Variants in PKP4 observed in about 807,000 individuals in gnomAD.
The protein encoded by PKP4 is plakophilin-4.
In PKP4, 90 loss-of-function variants were observed where a neutral mutation model predicts 145.1. That is an observed-to-expected ratio of 0.62 (90% CI 0.52 to 0.74). PKP4 has a LOEUF of 0.74. Among genes scored for constraint, PKP4 ranks in the 30% least tolerant of loss-of-function variants. The pLI, the probability that PKP4 is intolerant of heterozygous loss-of-function variation, is 0.00. For synonymous variants in PKP4, 563 were observed against 577.2 expected, an observed-to-expected ratio of 0.98 and a Z score of 0.35; for missense variants, 1,340 against 1,482.7, an observed-to-expected ratio of 0.90 and a Z score of 1.58.
rs1024911353 is a variant in PKP4 at position 158,465,953 on chromosome 2, G to T, written c.-6+8735G>T. On this transcript the variant is annotated intron_variant, in intron 1 of 21. Coordinates refer to ENST00000389759, the MANE Select transcript of PKP4 (RefSeq NM_003628.6). ...AAATAAGTGTCAGTCTGAAATCTTC[G>T]GATAGTATATCGGCAAGTGTCAGTC... Among the ~76,000 whole-genome samples the T allele has an allele frequency of 2.0e-5, 3 of 152,132 alleles. No homozygotes were observed. In the South Asian group the frequency reaches 6.2e-4, roughly 31 times the overall value.
chr2:158,462,434 T>G (rs1689916221), intron 1 of PKP4, among the ~76,000 whole-genome samples: 1 of 152,204 alleles, frequency 6.6e-6, no homozygotes, highest in African/African-American at 2.4e-5. Flanking sequence ...CAGCCCTGTT[T>G]CCCCTTGTAC....
intron 20 of PKP4, 30 bp downstream of exon 20, chr2:158,676,897 T>C (rs1163597344): frequency 6.2e-7 from 1 of 1,613,674 alleles, no homozygotes. Context: ...TGTGATACAG[T>C]CTCTTGAAAA....
chr2:158,644,518 A>G (rs969948936), intron 11 of PKP4, among the ~76,000 whole-genome samples: 2 of 152,244 alleles, frequency 1.3e-5, no homozygotes, highest in South Asian at 2.1e-4. Flanking sequence ...GGTTACATCA[A>G]TGGCAGTACT....
At chr2:158,522,942 C>A (rs1187765632) in intron 1 of PKP4, among the ~76,000 whole-genome samples, 1 of 152,204 alleles carries the variant, frequency 6.6e-6, no homozygotes, top group Non-Finnish European at 1.5e-5. Context: ...AAACGGCGCA[C>A]CACCAGACTA....
intron 2 of PKP4, among the ~76,000 whole-genome samples, chr2:158,576,797 T>A (rs1201484569): frequency 1.7e-5 from 2 of 114,880 alleles, no homozygotes; most frequent in East Asian, 5.3e-4. Context: ...ATTGGAATCA[T>A]TTTTTTTCTT....
At chr2:158,658,817 C>T (rs2056249778) in intron 12 of PKP4, 1 of 153,846 alleles carries the variant, frequency 6.5e-6, no homozygotes, top group African/African-American at 2.4e-5. Flanking sequence ...CGAGTGTGCA[C>T]AGTAGAGTTC....
rs1037819720 is a variant in PKP4 at position 158,564,968 on chromosome 2, A to G, written c.133-12303A>G. ...AATAAAGTCAATTACAGTTCTAAAT[A>G]TAACCTTTAGCAACAGAAAATGACA... is the stretch of plus-strand genomic sequence containing the variant. On this transcript the variant is annotated intron_variant, in intron 2 of 21. Transcript: ENST00000389759. 2.0e-5 allele frequency among the ~76,000 whole-genome samples: 3 copies of G among 152,342 alleles called. No individual in the cohort carries two copies. The East Asian group carries it at 5.8e-4, about 29-fold the overall frequency.
chr2:158,556,957 A>G (rs2046147005), intron 2 of PKP4, among the ~76,000 whole-genome samples: 1 of 152,104 alleles, frequency 6.6e-6, no homozygotes, highest in Admixed American at 6.6e-5. Flanking sequence ...CACACCCTGA[A>G]GATCATGGCA....
intron 1 of PKP4, among the ~76,000 whole-genome samples, chr2:158,495,639 GCC>G (rs1695588626): frequency 6.6e-6 from 1 of 151,924 alleles, no homozygotes; most frequent in Non-Finnish European, 1.5e-5. Context: ...TTCAAGACCA[GCC>G]TGGCCAACAT....
chr2:158,559,906 T>C (rs1213584252), intron 2 of PKP4, among the ~76,000 whole-genome samples: 1 of 151,888 alleles, frequency 6.6e-6, no homozygotes, highest in African/African-American at 2.4e-5. Flanking sequence ...TCACTCTTTC[T>C]CCCAGGCTGG....
At chr2:158,658,027 G>A (rs2056165152) in intron 11 of PKP4, 104 bp from the exon 12 acceptor site, 3 of 724,262 alleles carry the variant, frequency 4.1e-6, no homozygotes, top group Middle Eastern at 3.8e-4. Context: ...CATAGATTAG[G>A]TTTGGAACAG....
chr2:158,676,966 C>G (rs752364963), intron 20 of PKP4, 99 bp downstream of exon 20: 2 of 1,371,806 alleles, frequency 1.5e-6, no homozygotes, highest in Non-Finnish European at 2.1e-6. Context: ...TGTATTGAGA[C>G]AGTCCCCCAG....
At chr2:158,602,000 T>A (rs1023781147) in intron 3 of PKP4, among the ~76,000 whole-genome samples, 6 of 152,104 alleles carry the variant, frequency 3.9e-5, no homozygotes, top group African/African-American at 1.4e-4. Flanking sequence ...CTCAAAAAAA[T>A]ACCATGAATA....
chr2:158,565,300 C>T (rs1197549135), intron 2 of PKP4, among the ~76,000 whole-genome samples: 2 of 152,078 alleles, frequency 1.3e-5, no homozygotes, highest in East Asian at 3.9e-4. Flanking sequence ...TATATTTCTT[C>T]ATAAGGGAGG....
intron 2 of PKP4, chr2:158,548,796 A>G (rs1237236555): frequency 3.9e-5 from 10 of 258,652 alleles, no homozygotes; most frequent in South Asian, 1.9e-4. Flanking sequence ...GAAAGCTGCC[A>G]GCAAAGGGAA....
Position 158,603,070 on chromosome 2 carries a change from C to T in PKP4, c.246C>T (p.Ser82=). Residue 82 remains serine (S), a splice_region_variant and synonymous_variant, in exon 4 of 22, where the codon AGC becomes AGT. Coordinates refer to ENST00000389759, the MANE Select transcript of PKP4 (RefSeq NM_003628.6). ...GAESPSIAST[S]STEKSFPWRS... ...CATTTTTTTCTTTCTTTTTCTTTAG[C>T]TCAACTGAGAAGTCATTTCCTTGGA... 6.7e-7 allele frequency: 1 copy of T among 1,490,256 alleles called. No individual in the cohort carries two copies. Among genetic ancestry groups the T allele is most frequent in the South Asian group, 1.3e-5 (1 of 74,732 alleles). 92.3% of individuals were successfully genotyped at this position (1,490,256 alleles called of 1,614,324 possible).
chr2:158,620,099 G>T (rs1318778267), intron 4 of PKP4, among the ~76,000 whole-genome samples: 1 of 152,150 alleles, frequency 6.6e-6, no homozygotes, highest in Non-Finnish European at 1.5e-5. Flanking sequence ...AATTATCTTT[G>T]AAGTGAGAGT....
chr2:158,516,688 C>G (rs1472571489), intron 1 of PKP4, among the ~76,000 whole-genome samples: 1 of 97,664 alleles, frequency 1.0e-5, no homozygotes, highest in Non-Finnish European at 2.9e-5. Flanking sequence ...AGACAGAGTT[C>G]CGCTCTTGTT....
intron 3 of PKP4, among the ~76,000 whole-genome samples, chr2:158,585,532 G>A (rs1377703202): frequency 6.6e-6 from 1 of 152,098 alleles, no homozygotes; most frequent in African/African-American, 2.4e-5. Flanking sequence ...CCTTTTTGTG[G>A]TTCAAATCTT....
Sources: gnomAD v4.1 joint callset for allele counts (sites outside exome capture counted in the v4.1 genomes callset) on GRCh38, gnomAD v4.1.1 for gene constraint, MANE v1.5 for transcripts, NCBI Gene and HGNC (gene_info 2026-07-23, HGNC 2026-07-21) for gene names.